Variants in TMEM156 observed in about 807,000 individuals in gnomAD.
The protein encoded by TMEM156 is transmembrane protein 156.
A neutral mutation model predicts 30.5 loss-of-function variants in TMEM156; 28 were observed. The ratio of observed to expected loss-of-function variants is 0.92; its 90% CI spans 0.68 to 1.26. The LOEUF (loss-of-function observed/expected upper bound fraction) is 1.26, where lower values mean the gene tolerates loss of function less well. Ranked by LOEUF, TMEM156 falls within the 50% of genes most tolerant of loss-of-function variation. The pLI is 0.00. For missense variants in TMEM156, 351 were observed against 340.6 expected (o/e 1.03, Z -0.24); for synonymous variants, 137 against 119.9 (o/e 1.14, Z -0.93).
chr4:39,028,254 A>AGG (rs1250705197), intron 1 of TMEM156: 1 of 152,174 alleles, frequency 6.6e-6, no homozygotes, highest in African/African-American at 2.4e-5. Flanking sequence ...GACTCACTGC[A>AGG]ATTGCCACTT....
At chr4:39,010,091 C>T (rs572677327) in intron 1 of TMEM156, among the ~76,000 whole-genome samples, 7 of 152,150 alleles carry the variant, frequency 4.6e-5, no homozygotes, top group African/African-American at 1.7e-4. Context: ...TTTCTATACA[C>T]CAATAACATT....
chr4:38,975,520 T>C (rs1722810243), intron 5 of TMEM156, among the ~76,000 whole-genome samples: 1 of 151,846 alleles, frequency 6.6e-6, no homozygotes, highest in Admixed American at 6.6e-5. Context: ...GTAGCTGGAA[T>C]CACAGGCATG....
chr4:38,971,345 A>C (rs956011161), intron 5 of TMEM156, among the ~76,000 whole-genome samples: 9 of 152,198 alleles, frequency 5.9e-5, no homozygotes, highest in Admixed American at 5.9e-4. Flanking sequence ...CCTGGGCACA[A>C]ATACCTGAAG....
rs758168110 is a variant in TMEM156, at chr4:39,032,230, C to T, written c.84G>A (p.Pro28=). ...AGATTACAATTATATACTCACCTTT[C>T]GGTGTCTTGAAATATTCCGGCAAAA... is the stretch of plus-strand genomic sequence containing the variant. ...ILILPEYFKT[P]KERTLELSCL... The change falls in exon 1 of 7, where the codon CCG becomes CCA. Residue 28 remains proline (P), a synonymous_variant. Transcript: ENST00000381938. 1.6e-4 allele frequency: 247 copies of T among 1,583,464 alleles called. 4 individuals carry two copies. The Admixed American group carries it at 2.0e-3, about 13-fold the overall frequency.
intron 5 of TMEM156, among the ~76,000 whole-genome samples, chr4:38,978,705 T>G (rs1242356144): frequency 1.3e-5 from 2 of 152,238 alleles, no homozygotes; most frequent in African/African-American, 4.8e-5. Context: ...TTGTTAAATG[T>G]TAAAACCTCT....
At chr4:39,015,689 T>C (rs1714433343) in intron 1 of TMEM156, among the ~76,000 whole-genome samples, 1 of 152,198 alleles carries the variant, frequency 6.6e-6, no homozygotes, top group Non-Finnish European at 1.5e-5. Flanking sequence ...AATTAACTGA[T>C]ACGGTTTGGC....
At chr4:38,968,638 T>C (rs1722455987) in intron 6 of TMEM156, among the ~76,000 whole-genome samples, 1 of 152,178 alleles carries the variant, frequency 6.6e-6, no homozygotes. Flanking sequence ...TAATATCCAG[T>C]AATATTTCAT....
At chr4:38,971,332 C>T (rs911441071) in intron 5 of TMEM156, among the ~76,000 whole-genome samples, 195 bp from the exon 6 acceptor site, 5 of 152,208 alleles carry the variant, frequency 3.3e-5, no homozygotes, top group African/African-American at 7.2e-5. Flanking sequence ...CCTCACCCCA[C>T]GTCCTGGGCA....
chr4:38,978,223 T>C (rs998216247), intron 5 of TMEM156, among the ~76,000 whole-genome samples: 7 of 152,156 alleles, frequency 4.6e-5, no homozygotes, highest in African/African-American at 1.4e-4. Context: ...CTTGTTCAGC[T>C]ACATTTTATA....
intron 1 of TMEM156, among the ~76,000 whole-genome samples, chr4:39,013,389 AT>A (rs1714260365): frequency 8.6e-6 from 1 of 116,148 alleles, no homozygotes; most frequent in Non-Finnish European, 1.6e-5. Flanking sequence ...TTATTTATTT[AT>A]TTATTTATTT....
At chr4:38,986,164 C>A (rs895162310) in intron 5 of TMEM156, among the ~76,000 whole-genome samples, 172 bp downstream of exon 5, 1 of 152,146 alleles carries the variant, frequency 6.6e-6, no homozygotes. Context: ...GCTACTGTCC[C>A]CTGATAATAA....
At chr4:39,019,401 T>C (rs1480670883) in intron 1 of TMEM156, among the ~76,000 whole-genome samples, 4 of 152,224 alleles carry the variant, frequency 2.6e-5, no homozygotes, top group Non-Finnish European at 4.4e-5. Flanking sequence ...TCCAGTTGGT[T>C]CTTTTTCAAA....
At chr4:38,976,988 C>T (rs1174265715) in intron 5 of TMEM156, among the ~76,000 whole-genome samples, 1 of 152,184 alleles carries the variant, frequency 6.6e-6, no homozygotes, top group South Asian at 2.1e-4. Context: ...TCACTACAGC[C>T]TCCACCTCCC....
At chr4:39,032,042 T>C (rs1715554626) in intron 1 of TMEM156, among the ~76,000 whole-genome samples, 184 bp downstream of exon 1, 1 of 152,206 alleles carries the variant, frequency 6.6e-6, no homozygotes, top group Admixed American at 6.5e-5. Flanking sequence ...TTAAGTACTA[T>C]GAATTAGGTT....
At chr4:38,976,947 C>T (rs1722884956) in intron 5 of TMEM156, among the ~76,000 whole-genome samples, 1 of 152,080 alleles carries the variant, frequency 6.6e-6, no homozygotes, top group Non-Finnish European at 1.5e-5. Flanking sequence ...GCTCTGTTGC[C>T]CAGGCTGGAG....
intron 2 of TMEM156, among the ~76,000 whole-genome samples, chr4:38,997,990 T>C (rs1267620673): frequency 6.6e-6 from 1 of 152,208 alleles, no homozygotes; most frequent in African/African-American, 2.4e-5. Context: ...CCTTAGAGAA[T>C]CAAAGTTTGA....
At chr4:38,997,605 T>C (rs961318630) in intron 2 of TMEM156, among the ~76,000 whole-genome samples, 7 of 152,188 alleles carry the variant, frequency 4.6e-5, no homozygotes, top group Non-Finnish European at 7.3e-5. Context: ...AAGTAATAAA[T>C]TTGATGTTTG....
intron 1 of TMEM156, among the ~76,000 whole-genome samples, chr4:39,001,669 T>C (rs1396349755): frequency 5.3e-5 from 8 of 150,152 alleles, no homozygotes; most frequent in African/African-American, 2.0e-4. Flanking sequence ...AGCATGGTAC[T>C]GGTACCAAAA....
intron 1 of TMEM156, among the ~76,000 whole-genome samples, chr4:39,004,648 A>G (rs891019375): frequency 2.6e-5 from 4 of 152,134 alleles, no homozygotes; most frequent in Non-Finnish European, 5.9e-5. Context: ...GCTGTAGTTA[A>G]TTATATATGG....
Sources: allele counts gnomAD v4.1 joint callset (sites outside exome capture counted in the v4.1 genomes callset), GRCh38; gene constraint gnomAD v4.1.1; transcripts MANE v1.5; gene names NCBI Gene and HGNC (gene_info 2026-07-23, HGNC 2026-07-21).